ULK4: variants seen among roughly 807,000 people sequenced by gnomAD.
ULK4 encodes inactive serine/threonine-protein kinase ULK4.
Under a neutral mutation model 160.6 loss-of-function variants are expected in ULK4, and 133 were observed. The observed-to-expected ratio is 0.83, with a 90% CI of 0.72 to 0.96. The LOEUF (loss-of-function observed/expected upper bound fraction) is 0.96, where lower values mean the gene tolerates loss of function less well. ULK4 is among the 40% of genes least tolerant of loss of function. The pLI is 0.00. For missense variants in ULK4, 1,580 were observed against 1,499.5 expected, an observed-to-expected ratio of 1.05 and a Z score of -0.89; for synonymous variants, 534 against 539.8, an observed-to-expected ratio of 0.99 and a Z score of 0.15.
chr3:41,563,363 T>C (rs1210658056), intron 32 of ULK4, among the ~76,000 whole-genome samples: 1 of 152,180 alleles, frequency 6.6e-6, no homozygotes, highest in Admixed American at 6.5e-5. Flanking sequence ...AAGGAGTATC[T>C]TTGTGGTGTT....
intron 21 of ULK4, among the ~76,000 whole-genome samples, chr3:41,780,951 C>A (rs114037967): frequency 0.012 from 1,892 of 151,448 alleles, 35 homozygotes; most frequent in African/African-American, 0.041. Flanking sequence ...TTTTGTTAAC[C>A]CTTTACCTAT....
At chr3:41,887,916 C>T (rs991597616) in intron 16 of ULK4, among the ~76,000 whole-genome samples, 1 of 151,666 alleles carries the variant, frequency 6.6e-6, no homozygotes, top group African/African-American at 2.4e-5. Context: ...TAATCCCCAG[C>T]ACTTTAGGAG....
At chr3:41,772,566 C>A (rs140636649) in intron 21 of ULK4, among the ~76,000 whole-genome samples, 18,868 of 151,702 alleles carry the variant, frequency 0.12, 1,335 homozygotes, top group Middle Eastern at 0.27. Flanking sequence ...TCTGAAATTG[C>A]GGCAATAATT....
intron 21 of ULK4, among the ~76,000 whole-genome samples, chr3:41,783,716 T>C (rs1181132355): frequency 6.6e-6 from 1 of 152,188 alleles, no homozygotes; most frequent in East Asian, 1.9e-4. Context: ...AATTTGTCAC[T>C]ATACAGTCTG....
intron 17 of ULK4, among the ~76,000 whole-genome samples, chr3:41,866,237 T>C (rs1268281694): frequency 6.6e-6 from 1 of 152,220 alleles, no homozygotes; most frequent in Non-Finnish European, 1.5e-5. Flanking sequence ...ACTATGCTGT[T>C]ATCGTTCATG....
chr3:41,825,116 A>G (rs978540108), intron 18 of ULK4, among the ~76,000 whole-genome samples: 3 of 152,220 alleles, frequency 2.0e-5, no homozygotes, highest in African/African-American at 7.2e-5. Context: ...GTCTGTTAGA[A>G]GGAAAACTAA....
intron 32 of ULK4, among the ~76,000 whole-genome samples, chr3:41,511,768 T>A (rs909169799): frequency 6.6e-6 from 1 of 151,748 alleles, no homozygotes; most frequent in Non-Finnish European, 1.5e-5. Flanking sequence ...AAAGAGGAAA[T>A]CTCCCCTAAA....
At chr3:41,530,730 T>C (rs1156518957) in intron 32 of ULK4, among the ~76,000 whole-genome samples, 4 of 152,238 alleles carry the variant, frequency 2.6e-5, no homozygotes, top group Non-Finnish European at 5.9e-5. Context: ...AATAACTGAA[T>C]ACATTCTCCT....
intron 32 of ULK4, among the ~76,000 whole-genome samples, chr3:41,469,883 T>A (rs2083932908): frequency 6.6e-6 from 1 of 150,468 alleles, no homozygotes; most frequent in East Asian, 2.0e-4. Context: ...AGATAGAACA[T>A]CTGAAATTAT....
At position 41,928,358 on chromosome 3, in the gene ULK4, G is replaced by A. The variant is rs376487803; in HGVS notation, c.541+3486C>T. ...TGGGACACTGCTAAAGCAGTGTGTAGAGGGAAATTTACAGCACTAAATGCC... is the reference window on the plus strand; with the variant it reads ...TGGGACACTGCTAAAGCAGTGTGTAAAGGGAAATTTACAGCACTAAATGCC... On this transcript the variant is annotated intron_variant, in intron 5 of 36. Coordinates refer to ENST00000301831, the MANE Select transcript of ULK4 (RefSeq NM_017886.4). Among the ~76,000 whole-genome samples the A allele has an allele frequency of 3.9e-4, 59 of 152,308 alleles. 2 individuals carry two copies. The South Asian group carries it at 0.012, about 32-fold the overall frequency.
At chr3:41,768,129 G>C (rs1445102758) in intron 21 of ULK4, among the ~76,000 whole-genome samples, 1 of 152,128 alleles carries the variant, frequency 6.6e-6, no homozygotes, top group Non-Finnish European at 1.5e-5. Context: ...AGAATGTAAT[G>C]CCTGATGATC....
chr3:41,867,293 A>G (rs1468065800), intron 17 of ULK4, among the ~76,000 whole-genome samples: 1 of 152,196 alleles, frequency 6.6e-6, no homozygotes, highest in Non-Finnish European at 1.5e-5. Context: ...CAAAAGCCAC[A>G]AGGGCACTTA....
intron 31 of ULK4, among the ~76,000 whole-genome samples, chr3:41,601,444 A>G (rs533959197): frequency 7.9e-5 from 12 of 152,290 alleles, no homozygotes; most frequent in Non-Finnish European, 1.6e-4. Context: ...TTCATTTCCT[A>G]TTCTTTGAGT....
At chr3:41,506,767 A>AAAAAAAAAAAAAAAAATATATAAATATAT in intron 32 of ULK4, among the ~76,000 whole-genome samples, 1 of 56,766 alleles carries the variant, frequency 1.8e-5, no homozygotes, top group Non-Finnish European at 3.1e-5. Context: ...TGTGATTTAA[A>AAAAAAAAAAAAAAAAATATATAAATATAT]ATATATATAT....
In ULK4 at chr3:41,845,234, G is replaced by A. The variant is rs1468781637; in HGVS notation, c.1657-9263C>T. 2.0e-5 allele frequency among the ~76,000 whole-genome samples: 3 copies of A among 152,212 alleles called. No individual in the cohort carries two copies. The East Asian group carries it at 5.8e-4, about 29-fold the overall frequency. The stretch of plus-strand genomic sequence containing the variant: ...CCCGTCTCGGCCCCCAAAGTGCTGG[G>A]ATTACAGGCGTGAGCCACCGCAGCC... On this transcript the variant is annotated intron_variant, in intron 17 of 36. Coordinates refer to ENST00000301831, the MANE Select transcript of ULK4 (RefSeq NM_017886.4).
At chr3:41,718,635 C>G (rs992369023) in intron 22 of ULK4, among the ~76,000 whole-genome samples, 6 of 152,178 alleles carry the variant, frequency 3.9e-5, no homozygotes, top group Admixed American at 1.3e-4. Flanking sequence ...TTTCACCATG[C>G]AAAAGGCCCT....
chr3:41,285,196 T>C (rs2079434071), intron 35 of ULK4, among the ~76,000 whole-genome samples: 1 of 152,142 alleles, frequency 6.6e-6, no homozygotes, highest in Non-Finnish European at 1.5e-5. Context: ...CTTAAAGAAC[T>C]AAAAGTAGAA....
intron 31 of ULK4, among the ~76,000 whole-genome samples, chr3:41,605,467 T>C (rs182226999): frequency 4.6e-5 from 7 of 152,060 alleles, no homozygotes; most frequent in Admixed American, 3.9e-4. Context: ...TAATATCACA[T>C]AAAATAAATT....
chr3:41,803,850 G>A (rs991396364), intron 19 of ULK4, among the ~76,000 whole-genome samples: 12 of 152,322 alleles, frequency 7.9e-5, no homozygotes, highest in African/African-American at 2.9e-4. Flanking sequence ...ATTCCATGCT[G>A]TATATGTGCC....
Sources: allele counts gnomAD v4.1 joint callset (sites outside exome capture counted in the v4.1 genomes callset), GRCh38; gene constraint gnomAD v4.1.1; transcripts MANE v1.5; gene names NCBI Gene and HGNC (gene_info 2026-07-23, HGNC 2026-07-21).